DLG2: variants seen among roughly 807,000 people sequenced by gnomAD.
DLG2 encodes discs large MAGUK scaffold protein 2.
A neutral mutation model predicts 132.5 loss-of-function variants in DLG2; 45 were observed. The ratio of observed to expected loss-of-function variants is 0.34; its 90% CI spans 0.27 to 0.44. The LOEUF (loss-of-function observed/expected upper bound fraction) is 0.44. DLG2 is among the 20% of genes least tolerant of loss of function. The pLI, the probability that DLG2 is intolerant of heterozygous loss-of-function variation, is 1.00. For missense variants in DLG2, 1,045 were observed against 1,196.9 expected (o/e 0.87, Z 1.87); for synonymous variants, 424 against 419.6 (o/e 1.01, Z -0.13).
At chr11:83,707,669 TCAACAACAA>T (rs1050319783) in intron 18 of DLG2, among the ~76,000 whole-genome samples, 1 of 152,166 alleles carries the variant, frequency 6.6e-6, no homozygotes, top group African/African-American at 2.4e-5. Flanking sequence ...AGACTCGGTC[TCAACAACAA>T]CAATAACAAC....
intron 3 of DLG2, among the ~76,000 whole-genome samples, chr11:85,396,989 G>A (rs1022940751): frequency 1.3e-5 from 2 of 152,058 alleles, no homozygotes; most frequent in Non-Finnish European, 2.9e-5. Context: ...GATTTGCCAA[G>A]GTTGAAATAA....
intron 7 of DLG2, among the ~76,000 whole-genome samples, chr11:84,259,431 T>G (rs988628145): frequency 5.3e-5 from 8 of 152,128 alleles, no homozygotes; most frequent in African/African-American, 1.9e-4. Flanking sequence ...ACTAATATCA[T>G]CCAGTGGCTT....
intron 7 of DLG2, among the ~76,000 whole-genome samples, chr11:84,364,020 AAAG>A (rs1427059368): frequency 4.6e-5 from 7 of 152,234 alleles, no homozygotes; most frequent in African/African-American, 1.4e-4. Context: ...TATGAACTTT[AAAG>A]AAGTTTTTTC....
At chr11:85,251,477 T>C (rs1370885298) in intron 4 of DLG2, among the ~76,000 whole-genome samples, 1 of 152,228 alleles carries the variant, frequency 6.6e-6, no homozygotes, top group Non-Finnish European at 1.5e-5. Flanking sequence ...AGTATGTCTC[T>C]AATAATGCAT....
intron 7 of DLG2, among the ~76,000 whole-genome samples, chr11:84,366,889 A>G (rs1466299384): frequency 2.0e-5 from 3 of 152,110 alleles, no homozygotes; most frequent in Non-Finnish European, 2.9e-5. Flanking sequence ...CACTGTCAAC[A>G]TTAGACAGAT....
At chr11:84,426,959 T>G (rs905013948) in intron 7 of DLG2, among the ~76,000 whole-genome samples, 1 of 152,140 alleles carries the variant, frequency 6.6e-6, no homozygotes, top group African/African-American at 2.4e-5. Flanking sequence ...AATAAAAACC[T>G]AGAACTCTCT....
intron 7 of DLG2, among the ~76,000 whole-genome samples, chr11:84,276,208 T>C (rs2154367418): frequency 6.6e-6 from 1 of 152,346 alleles, no homozygotes; most frequent in East Asian, 1.9e-4. Context: ...GGTGATAAGT[T>C]CTATGTGTTT....
At chr11:85,149,697 G>A (rs1266666256) in intron 5 of DLG2, among the ~76,000 whole-genome samples, 1 of 152,122 alleles carries the variant, frequency 6.6e-6, no homozygotes, top group Non-Finnish European at 1.5e-5. Context: ...TAGTGTTTGT[G>A]TTGCTTTAGA....
intron 6 of DLG2, among the ~76,000 whole-genome samples, chr11:84,716,527 A>G (rs771616294): frequency 6.6e-6 from 1 of 151,978 alleles, no homozygotes; most frequent in African/African-American, 2.4e-5. Flanking sequence ...TAAATTCAAT[A>G]CTTTGATCTT....
chr11:85,445,784 T>A (rs1416121650), intron 3 of DLG2, among the ~76,000 whole-genome samples: 7 of 152,226 alleles, frequency 4.6e-5, no homozygotes, highest in African/African-American at 1.7e-4. Context: ...TATTTTTTCT[T>A]TTAAACACAC....
chr11:84,143,872 T>G (rs1288307904), intron 9 of DLG2, among the ~76,000 whole-genome samples: 2 of 152,146 alleles, frequency 1.3e-5, no homozygotes, highest in Non-Finnish European at 2.9e-5. Flanking sequence ...CAAAACCTAA[T>G]AAACACGTTA....
chr11:85,251,034 C>T (rs185397941), intron 4 of DLG2, among the ~76,000 whole-genome samples: 134 of 152,208 alleles, frequency 8.8e-4, no homozygotes, highest in Admixed American at 2.5e-3. Context: ...GATTTATTTA[C>T]GAAATCCATA....
At chr11:85,100,659 A>T (rs1375116990) in intron 6 of DLG2, among the ~76,000 whole-genome samples, 1 of 152,122 alleles carries the variant, frequency 6.6e-6, no homozygotes, top group Non-Finnish European at 1.5e-5. Flanking sequence ...CTCCTTGCAC[A>T]TATTACCAGG....
intron 3 of DLG2, among the ~76,000 whole-genome samples, chr11:85,485,343 A>C (rs967841016): frequency 1.3e-5 from 2 of 152,344 alleles, no homozygotes; most frequent in Admixed American, 1.3e-4. Flanking sequence ...CCTAAAACTT[A>C]AAGTATAATA....
chr11:83,689,756 A>C (rs183800980), intron 18 of DLG2, among the ~76,000 whole-genome samples: 12 of 151,934 alleles, frequency 7.9e-5, no homozygotes, highest in Admixed American at 7.2e-4. Flanking sequence ...CTCATACCAA[A>C]TCTGGTTTCC....
At chr11:83,821,623 T>C (rs1008531626) in intron 17 of DLG2, among the ~76,000 whole-genome samples, 1 of 152,152 alleles carries the variant, frequency 6.6e-6, no homozygotes. Context: ...GACAGTCATG[T>C]TTTCATTATT....
At chr11:84,052,687 C>CAAAAA (rs67140653) in intron 11 of DLG2, among the ~76,000 whole-genome samples, 2 of 125,286 alleles carry the variant, frequency 1.6e-5, no homozygotes, top group Middle Eastern at 4.4e-3. Flanking sequence ...ATTAAAAAGT[C>CAAAAA]AAAAAAAAAA....
At position 83,918,767 on chromosome 11, in the gene DLG2, G is replaced by A. The variant is rs189641275; in HGVS notation, c.1496+11561C>T. ...CCCACACGGCGCCTGTCAAAGGGCAGAGTGGGGATCTCAGTGCTGTAACAT... is the reference window on the plus strand; with the variant it reads ...CCCACACGGCGCCTGTCAAAGGGCAAAGTGGGGATCTCAGTGCTGTAACAT... On this transcript the variant is annotated intron_variant, in intron 15 of 27. Transcript: ENST00000376104. Among the ~76,000 whole-genome samples, 4 of 152,230 alleles carry A rather than the reference G, an allele frequency of 2.6e-5. No homozygotes were observed. The East Asian group carries it at 7.8e-4, about 30-fold the overall frequency.
At chr11:84,723,272 T>C (rs567913383) in intron 6 of DLG2, among the ~76,000 whole-genome samples, 232 of 152,336 alleles carry the variant, frequency 1.5e-3, no homozygotes, top group Middle Eastern at 3.4e-3. Flanking sequence ...CCTCCTATTC[T>C]AGGGCAGCAT....
Sources: gnomAD v4.1 joint callset for allele counts (sites outside exome capture counted in the v4.1 genomes callset) on GRCh38, gnomAD v4.1.1 for gene constraint, MANE v1.5 for transcripts, NCBI Gene and HGNC (gene_info 2026-07-23, HGNC 2026-07-21) for gene names.